The following TAAR1 variants were observed in gnomAD, a reference collection of about 807,000 sequenced individuals.
The protein encoded by TAAR1 is trace amine-associated receptor 1.
Under a neutral mutation model 1.2 loss-of-function variants are expected in TAAR1, and 1 was observed. That is an observed-to-expected ratio of 0.81 (90% confidence interval 0.29 to 3.86). The LOEUF (loss-of-function observed/expected upper bound fraction) is 3.86, where lower values mean the gene tolerates loss of function less well. TAAR1 is among the 30% of genes most tolerant of loss of function. The pLI is 0.18. For missense variants in TAAR1, 445 were observed against 405.6 expected, an observed-to-expected ratio of 1.10 and a Z score of -0.83; for synonymous variants, 153 against 132.2, an observed-to-expected ratio of 1.16 and a Z score of -1.08.
At chr6:132,649,945 A>G (rs1777732685) in intron 1 of TAAR1, among the ~76,000 whole-genome samples, 1 of 152,156 alleles carries the variant, frequency 6.6e-6, no homozygotes, top group East Asian at 1.9e-4. Flanking sequence ...CACTGTCCGT[A>G]ACGCTACTCC....
chr6:132,648,676 T>C (rs1271561844), intron 1 of TAAR1, among the ~76,000 whole-genome samples: 1 of 152,196 alleles, frequency 6.6e-6, no homozygotes, highest in South Asian at 2.1e-4. Context: ...GTGTTATAAA[T>C]TGTTTTTGAA....
rs776029093 is a variant in TAAR1 at position 132,645,421 on chromosome 6, A to G, written c.583T>C (p.Phe195Leu). The part of the protein sequence containing the change: ...FFSKISGVLT[F>L]MTSFYIPGSI... ...CCAGGTATATAAAAAGAAGTCATAA[A>G]GGTCAGTACCCCAGATATTTTGCTA... The change falls in exon 2 of 2, where the codon TTT becomes CTT. Residue 195 changes from phenylalanine (F) to leucine (L), a missense_variant. By Grantham distance (22) the Phe-to-Leu change is conservative. Transcript: ENST00000275216. 98 of 1,613,634 alleles carry G rather than the reference A, an allele frequency of 6.1e-5. No individual in the cohort carries two copies. Among genetic ancestry groups the G allele is most frequent in the Middle Eastern group, 3.3e-4 (2 of 6,082 alleles).
In TAAR1 at chr6:132,645,613, A is replaced by G. The variant is rs1211791348; in HGVS notation, c.391T>C (p.Tyr131His). 6.2e-7 allele frequency: 1 copy of G among 1,613,586 alleles called. No individual in the cohort carries two copies. Among genetic ancestry groups the G allele is most frequent in the Non-Finnish European group, 8.5e-7 (1 of 1,179,832 alleles). Residue 131 changes from tyrosine (Y) to histidine (H), a missense_variant, in exon 2 of 2, where the codon TAT (tyrosine) becomes CAT (histidine). Tyr to His is a moderately conservative substitution (Grantham distance 83, BLOSUM62 2). Transcript: ENST00000275216. ...RYYAVCDPLR[Y>H]KAKMNILVIC... ...ACCAAGATATTCATCTTGGCTTTATATCTCAGTGGATCACACACAGCATAG... is the reference window on the plus strand; with the variant it reads ...ACCAAGATATTCATCTTGGCTTTATGTCTCAGTGGATCACACACAGCATAG...
intron 1 of TAAR1, among the ~76,000 whole-genome samples, chr6:132,656,436 C>T (rs1413183041): frequency 6.6e-6 from 1 of 151,642 alleles, no homozygotes; most frequent in Non-Finnish European, 1.5e-5. Context: ...GAGGGAGAGA[C>T]AATAAGATGA....
chr6:132,649,919 G>C (rs1777732456), intron 1 of TAAR1, among the ~76,000 whole-genome samples: 1 of 152,130 alleles, frequency 6.6e-6, no homozygotes, highest in African/African-American at 2.4e-5. Context: ...GAAGATATGA[G>C]TTCCTGGCTT....
Position 132,645,656 on chromosome 6 carries a change from GA to G in TAAR1, c.347del (p.Phe116SerfsTer14). The G allele has an allele frequency of 6.2e-7, 1 of 1,613,594 alleles. No individual in the cohort carries two copies. Among genetic ancestry groups the G allele is most frequent in the Non-Finnish European group, 8.5e-7 (1 of 1,179,792 alleles). ...LSSASIFHLS[F>X]ISIDRYYAVC... Reference sequence around the variant, plus strand: ...CAGCATAGTAGCGGTCAATGGAGATGAAAGACAAATGGAAAATGGAGGCTGA... The same window carrying G: ...CAGCATAGTAGCGGTCAATGGAGATGAAGACAAATGGAAAATGGAGGCTGA... On this transcript the variant is annotated frameshift_variant, in exon 2 of 2. Coordinates refer to ENST00000275216, the MANE Select transcript of TAAR1 (RefSeq NM_138327.4). LOFTEE classifies it low-confidence loss of function (END_TRUNC).
rs540278394 is a variant in TAAR1 at position 132,645,273 on chromosome 6, C to T, written c.731G>A (p.Ser244Asn). The T allele has an allele frequency of 2.6e-4, 427 of 1,613,680 alleles. 4 individuals are homozygous for T. The South Asian group carries it at 4.3e-3, about 16-fold the overall frequency. ...TGTCTTCACAGCTTTCCTTTCTTTG[C>T]TTTGTGAAATTCCATTTTTCATTTC... is the stretch of plus-strand genomic sequence containing the variant. ...GLEMKNGISQ[S>N]KERKAVKTLG... Residue 244 changes from serine to asparagine, a missense_variant, in exon 2 of 2, where the codon AGC becomes AAC. Coordinates refer to ENST00000275216, the MANE Select transcript of TAAR1 (RefSeq NM_138327.4).
intron 1 of TAAR1, among the ~76,000 whole-genome samples, chr6:132,647,742 A>G (rs1260973290): frequency 6.6e-6 from 1 of 152,000 alleles, no homozygotes; most frequent in Non-Finnish European, 1.5e-5. Context: ...AAGAGTACAA[A>G]TTTCTGGCAA....
chr6:132,655,390 TTTTTTTTGA>T (rs900813462), intron 1 of TAAR1, among the ~76,000 whole-genome samples: 1 of 72,490 alleles, frequency 1.4e-5, no homozygotes, highest in Non-Finnish European at 4.2e-5. Context: ...TTTTTTTTTT[TTTTTTTTGA>T]AACAAGGTCT....
Position 132,645,692 on chromosome 6 carries a change from A to G in TAAR1, c.312T>C (p.Ile104=), listed in dbSNP as rs1169594797. 1 of 1,613,626 alleles carries G rather than the reference A, an allele frequency of 6.2e-7. No individual in the cohort carries two copies. Residue 104 remains isoleucine, a synonymous_variant, in exon 2 of 2, where the codon ATT becomes ATC. Transcript: ENST00000275216. ...GGAAAATGGAGGCTGAGCTCAGCAT[A>G]ATGTCGGTGCTTGTGTGAATTTTAC... The part of the protein sequence containing the change: ...VFCKIHTSTD[I]MLSSASIFHL...
Position 132,646,131 on chromosome 6 carries a change from T to A in TAAR1, c.-126-2A>T, listed in dbSNP as rs1002456797. The A allele has an allele frequency of 4.7e-6, 5 of 1,074,466 alleles. No homozygotes were observed. Among genetic ancestry groups the A allele is most frequent in the Admixed American group, 2.6e-5 (1 of 38,664 alleles). 66.6% of individuals were successfully genotyped at this position (1,074,466 alleles called of 1,614,324 possible). A position where few individuals can be genotyped will look rare whatever the true frequency, so the allele number is the denominator to read the frequency against. ...TTTGCACATACTTATCCCAGAAACC[T>A]AGGAGGAAAAATAAAAGAGTAAATC... is the stretch of plus-strand genomic sequence containing the variant. On this transcript the variant is annotated splice_acceptor_variant, in intron 1 of 1. Coordinates refer to ENST00000275216, the MANE Select transcript of TAAR1 (RefSeq NM_138327.4). LOFTEE classifies it low-confidence loss of function (5UTR_SPLICE).
chr6:132,657,170 G>A lies in TAAR1; in HGVS notation c.-127+1960C>T, dbSNP rs370647422. 1.2e-4 allele frequency among the ~76,000 whole-genome samples: 19 copies of A among 152,202 alleles called. No homozygotes were observed. The East Asian group carries it at 1.9e-3, about 15-fold the overall frequency. ...CTAACTATCTTAATAACACCTAGTT[G>A]TTATCAGGGGTGCTGAGGGGCTGGC... On this transcript the variant is annotated intron_variant, in intron 1 of 1. Coordinates refer to ENST00000275216, the MANE Select transcript of TAAR1 (RefSeq NM_138327.4).
In TAAR1 at chr6:132,643,572, A is replaced by G. The variant is rs976911891; in HGVS notation, c.*1412T>C. Among the ~76,000 whole-genome samples, 1 of 152,010 alleles carries G rather than the reference A, an allele frequency of 6.6e-6. No homozygotes were observed. Among genetic ancestry groups the G allele is most frequent in the Non-Finnish European group, 1.5e-5 (1 of 67,920 alleles). On this transcript the variant is annotated 3_prime_UTR_variant, in exon 2 of 2. Coordinates refer to ENST00000275216, the MANE Select transcript of TAAR1 (RefSeq NM_138327.4). ...ACTATAATTTCTGGAAGGATTTCAC[A>G]TATCCTCCGGAGATCCTCAGATTTG...
chr6:132,644,117 A>G lies in TAAR1; in HGVS notation c.*867T>C, dbSNP rs1359130783. Among the ~76,000 whole-genome samples the G allele has an allele frequency of 1.3e-5, 2 of 152,016 alleles. No homozygotes were observed. Among genetic ancestry groups the G allele is most frequent in the Non-Finnish European group, 1.5e-5 (1 of 67,940 alleles). ...TTTATATTATTTTTAGAAAAGTTAG[A>G]AACAACTGGAATTAACAATAGGGAA... On this transcript the variant is annotated 3_prime_UTR_variant, in exon 2 of 2. Transcript: ENST00000275216.
Position 132,643,580 on chromosome 6 carries a change from C to T in TAAR1, c.*1404G>A, listed in dbSNP as rs887924198. On this transcript the variant is annotated 3_prime_UTR_variant, in exon 2 of 2. Transcript: ENST00000275216. ...TTCTGGAAGGATTTCACATATCCTC[C>T]GGAGATCCTCAGATTTGTAAACAGA... Among the ~76,000 whole-genome samples the T allele has an allele frequency of 3.3e-5, 5 of 151,940 alleles. No homozygotes were observed. The highest frequency in any genetic ancestry group is 2.1e-4 in the South Asian group (1 of 4,824).
chr6:132,647,628 GAAAGAAAGAA>G (rs1777694860), intron 1 of TAAR1, among the ~76,000 whole-genome samples: 1 of 52,478 alleles, frequency 1.9e-5, no homozygotes, highest in Non-Finnish European at 3.5e-5. Context: ...AAAAAGGAAA[GAAAGAAAGAA>G]AGAAAGAAAG....
intron 1 of TAAR1, among the ~76,000 whole-genome samples, chr6:132,656,814 A>T (rs73001166): frequency 0.06 from 9,075 of 152,286 alleles, 311 homozygotes; most frequent in East Asian, 0.11. Context: ...TATGAGGGAA[A>T]TAGGATGACA....
chr6:132,644,991 C>A lies in TAAR1; in HGVS notation c.1013G>T (p.Ser338Ile). ...SSRCKLFLEL[S>I]S ...CAGTAAAATATAATAATTCTATGAA[C>A]TCAATTCCAAAAATAATTTACACCT... The change falls in exon 2 of 2, where the codon AGT becomes ATT. Residue 338 changes from serine (S) to isoleucine (I), a missense_variant. Physicochemically the swap from Ser to Ile is moderately radical, Grantham distance 142. Coordinates refer to ENST00000275216, the MANE Select transcript of TAAR1 (RefSeq NM_138327.4). 6.4e-7 allele frequency: 1 copy of A among 1,553,738 alleles called. No individual in the cohort carries two copies. The highest frequency in any genetic ancestry group is 1.4e-5 in the African/African-American group (1 of 72,074).
chr6:132,645,029 T>C lies in TAAR1; in HGVS notation c.975A>G (p.Gln325=), dbSNP rs941195674. 3.2e-6 allele frequency: 5 copies of C among 1,584,656 alleles called. No homozygotes were observed. The African/African-American group carries it at 5.5e-5, about 17-fold the overall frequency. ...LKMMLFGKIF[Q]KDSSRCKLFL... ...ATAATTTACACCTGGATGAATCTTT[T>C]TGGAAAATTTTACCAAACAGCATCA... Residue 325 remains glutamine (Q), a synonymous_variant, in exon 2 of 2, where the codon CAA becomes CAG. Coordinates refer to ENST00000275216, the MANE Select transcript of TAAR1 (RefSeq NM_138327.4).
Sources: allele counts gnomAD v4.1 joint callset (sites outside exome capture counted in the v4.1 genomes callset), GRCh38; gene constraint gnomAD v4.1.1; transcripts MANE v1.5; gene names NCBI Gene and HGNC (gene_info 2026-07-23, HGNC 2026-07-21).